USP15: variants seen among roughly 807,000 people sequenced by gnomAD.
USP15 encodes ubiquitin specific peptidase 15.
In USP15, 18 loss-of-function variants were observed where a neutral mutation model predicts 127.1. The observed-to-expected ratio is 0.14, with a 90% CI of 0.10 to 0.21. USP15 has a LOEUF of 0.21. USP15 is among the 10% of genes least tolerant of loss of function. The pLI is 1.00. For missense variants in USP15, 805 were observed against 1,159.9 expected, an observed-to-expected ratio of 0.69 and a Z score of 4.44; for synonymous variants, 364 against 393.7, an observed-to-expected ratio of 0.92 and a Z score of 0.89.
intron 3 of USP15, among the ~76,000 whole-genome samples, chr12:62,313,013 A>C (rs974655974): frequency 6.6e-6 from 1 of 151,686 alleles, no homozygotes; most frequent in Non-Finnish European, 1.5e-5. Flanking sequence ...CAACAAACTC[A>C]TATTTTTAAA....
intron 8 of USP15, among the ~76,000 whole-genome samples, chr12:62,357,002 T>G (rs1343762527): frequency 1.3e-5 from 2 of 152,116 alleles, no homozygotes; most frequent in African/African-American, 4.8e-5. Context: ...TCTTTATCCT[T>G]GAACTGCCAA....
At chr12:62,266,802 C>T (rs1469504474) in intron 1 of USP15, among the ~76,000 whole-genome samples, 1 of 152,050 alleles carries the variant, frequency 6.6e-6, no homozygotes, top group African/African-American at 2.4e-5. Flanking sequence ...TAGTTTACTA[C>T]CAGCGGACAT....
rs142576169 is a variant in USP15, at chr12:62,298,703, A to T, written c.218-4087A>T. Among the ~76,000 whole-genome samples, 177 of 151,826 alleles carry T rather than the reference A, an allele frequency of 1.2e-3. 1 individual carries two copies. The highest frequency in any genetic ancestry group is 2.1e-3 in the Non-Finnish European group (145 of 67,906). ...ACATAATATGTGGGTGGTGGCATACACCTGTAGTCCCAGTACTTGGGAGGC... is the reference window on the plus strand; with the variant it reads ...ACATAATATGTGGGTGGTGGCATACTCCTGTAGTCCCAGTACTTGGGAGGC... On this transcript the variant is annotated intron_variant, in intron 2 of 21. Coordinates refer to ENST00000280377, the MANE Select transcript of USP15 (RefSeq NM_001252078.2).
intron 7 of USP15, among the ~76,000 whole-genome samples, chr12:62,353,749 G>A (rs565662796): frequency 7.9e-5 from 12 of 152,018 alleles, no homozygotes; most frequent in African/African-American, 2.7e-4. Flanking sequence ...AATTATGAGC[G>A]AAAATACTTA....
chr12:62,281,080 G>T (rs1386179397), intron 1 of USP15, among the ~76,000 whole-genome samples: 1 of 152,108 alleles, frequency 6.6e-6, no homozygotes, highest in Non-Finnish European at 1.5e-5. Context: ...GTAATCTGTT[G>T]ATTCCGTTCT....
chr12:62,349,974 G>C (rs2065919651), intron 7 of USP15, among the ~76,000 whole-genome samples: 1 of 151,744 alleles, frequency 6.6e-6, no homozygotes, highest in East Asian at 1.9e-4. Flanking sequence ...TTTGTAATTA[G>C]CCCAAATTGT....
intron 8 of USP15, among the ~76,000 whole-genome samples, chr12:62,379,025 A>C (rs1396932872): frequency 6.6e-6 from 1 of 152,088 alleles, no homozygotes; most frequent in Non-Finnish European, 1.5e-5. Flanking sequence ...GTCTCAGTTC[A>C]TTTGGCAAAA....
At chr12:62,269,923 G>T (rs2063306942) in intron 1 of USP15, among the ~76,000 whole-genome samples, 1 of 152,084 alleles carries the variant, frequency 6.6e-6, no homozygotes, top group Non-Finnish European at 1.5e-5. Flanking sequence ...AAGTGGAATT[G>T]CTAGGTCCCT....
At chr12:62,303,099 C>T in intron 3 of USP15, 179 bp downstream of exon 3, 1 of 589,108 alleles carries the variant, frequency 1.7e-6, no homozygotes, top group Non-Finnish European at 2.8e-6. Context: ...CTTATGCTAG[C>T]CACTATTGTA....
intron 8 of USP15, among the ~76,000 whole-genome samples, chr12:62,378,262 T>C (rs2066891460): frequency 6.6e-6 from 1 of 151,826 alleles, no homozygotes; most frequent in African/African-American, 2.4e-5. Context: ...AAGATGAGGG[T>C]GGAAAGGATG....
chr12:62,349,407 A>AT, intron 7 of USP15, 100 bp downstream of exon 7: 1 of 706,860 alleles, frequency 1.4e-6, no homozygotes, highest in Non-Finnish European at 2.0e-6. Flanking sequence ...GTCTTAATGC[A>AT]TTAAAATTGG....
At position 62,414,146 on chromosome 12, in the gene USP15, A is replaced by G. The variant is rs1460814323; in HGVS notation, c.*9771A>G. ...ACAGATCACCGTAACAGATACAATA[A>G]TAATGAAGACATTTGAAATGTGAGA... On this transcript the variant is annotated 3_prime_UTR_variant, in exon 22 of 22. Transcript: ENST00000280377. 6.6e-6 allele frequency: 1 copy of G among 152,364 alleles called. No homozygotes were observed. Among genetic ancestry groups the G allele is most frequent in the East Asian group, 1.9e-4 (1 of 5,192 alleles). 9.4% of individuals were successfully genotyped at this position (152,364 alleles called of 1,614,324 possible).
chr12:62,369,281 T>C (rs2066585205), intron 8 of USP15, among the ~76,000 whole-genome samples: 1 of 152,246 alleles, frequency 6.6e-6, no homozygotes, highest in Admixed American at 6.5e-5. Context: ...TTATAACTTA[T>C]ATGTTCATTT....
At chr12:62,389,317 C>T in intron 11 of USP15, 114 bp from the exon 12 acceptor site, 2 of 843,354 alleles carry the variant, frequency 2.4e-6, no homozygotes, top group Non-Finnish European at 3.6e-6. Flanking sequence ...AGATTGGAGA[C>T]AAACACTAAT....
At chr12:62,386,309 C>A (rs1014824135) in intron 11 of USP15, among the ~76,000 whole-genome samples, 1 of 151,538 alleles carries the variant, frequency 6.6e-6, no homozygotes, top group Non-Finnish European at 1.5e-5. Flanking sequence ...TGAGTTTTCC[C>A]GTCATTGAAG....
rs144664966 is a variant in USP15 at position 62,289,937 on chromosome 12, T to C, written c.90-4242T>C. ...TAGCTTCAAGAATTCCCCCTTGGGATTGATTTCTAGCTTTATTTCACTGTG... is the reference window on the plus strand; with the variant it reads ...TAGCTTCAAGAATTCCCCCTTGGGACTGATTTCTAGCTTTATTTCACTGTG... On this transcript the variant is annotated intron_variant, in intron 1 of 21. Coordinates refer to ENST00000280377, the MANE Select transcript of USP15 (RefSeq NM_001252078.2). 9.2e-5 allele frequency among the ~76,000 whole-genome samples: 14 copies of C among 152,276 alleles called. No individual in the cohort carries two copies. The East Asian group carries it at 2.7e-3, about 29-fold the overall frequency.
chr12:62,390,742 G>C (rs1359229381), intron 14 of USP15, 122 bp from the exon 15 acceptor site: 2 of 552,358 alleles, frequency 3.6e-6, no homozygotes, highest in East Asian at 6.1e-5. Flanking sequence ...ATTTATCTTT[G>C]AATCTACTAA....
intron 1 of USP15, among the ~76,000 whole-genome samples, chr12:62,293,038 G>A (rs1301335959): frequency 6.6e-6 from 1 of 152,146 alleles, no homozygotes; most frequent in Non-Finnish European, 1.5e-5. Flanking sequence ...AGTCTAGGAT[G>A]GTGGGAAGGT....
intron 6 of USP15, chr12:62,334,253 A>G (rs993518692): frequency 3.3e-5 from 5 of 152,194 alleles, no homozygotes; most frequent in Non-Finnish European, 5.9e-5. Context: ...GGGTTAATGT[A>G]TGTTTCAAAA....
Sources: allele counts gnomAD v4.1 joint callset (sites outside exome capture counted in the v4.1 genomes callset), GRCh38; gene constraint gnomAD v4.1.1; transcripts MANE v1.5; gene names NCBI Gene and HGNC (gene_info 2026-07-23, HGNC 2026-07-21).